TCAIM: variants seen among roughly 807,000 people sequenced by gnomAD.
The protein encoded by TCAIM is T-cell activation inhibitor, mitochondrial.
Under a neutral mutation model 58.6 loss-of-function variants are expected in TCAIM, and 36 were observed. The ratio of observed to expected loss-of-function variants is 0.61; its 90% confidence interval spans 0.47 to 0.81. TCAIM has a LOEUF of 0.81. Ranked by LOEUF, TCAIM falls within the 30% of genes least tolerant of loss-of-function variation. TCAIM has a pLI of 0.00. For missense variants in TCAIM, 466 were observed against 579.6 expected, an observed-to-expected ratio of 0.80 and a Z score of 2.01; for synonymous variants, 172 against 193.6, an observed-to-expected ratio of 0.89 and a Z score of 0.93.
At chr3:44,373,152 G>A (rs1701507251) in intron 5 of TCAIM, among the ~76,000 whole-genome samples, 1 of 151,796 alleles carries the variant, frequency 6.6e-6, no homozygotes, top group Admixed American at 6.6e-5. Flanking sequence ...TTTTGAGACA[G>A]GGTCTTGTTT....
chr3:44,398,773 A>C (rs565235125), intron 8 of TCAIM, among the ~76,000 whole-genome samples: 1 of 152,326 alleles, frequency 6.6e-6, no homozygotes, highest in African/African-American at 2.4e-5. Flanking sequence ...GGAAAAAATG[A>C]ATTTTCTTCA....
At chr3:44,382,650 A>G (rs959349398) in intron 5 of TCAIM, among the ~76,000 whole-genome samples, 4 of 152,206 alleles carry the variant, frequency 2.6e-5, no homozygotes, top group African/African-American at 7.2e-5. Context: ...AGAAGAAAAC[A>G]TAGGGCAGAA....
chr3:44,375,641 CAG>C (rs1701553177), intron 5 of TCAIM, among the ~76,000 whole-genome samples: 1 of 152,208 alleles, frequency 6.6e-6, no homozygotes, highest in Non-Finnish European at 1.5e-5. Context: ...CAAGGTCAAA[CAG>C]ACAACCACAA....
At position 44,367,495 on chromosome 3, in the gene TCAIM, T is replaced by C; in HGVS notation, c.359T>C (p.Leu120Pro). The C allele has an allele frequency of 6.2e-7, 1 of 1,613,574 alleles. No homozygotes were observed. Among genetic ancestry groups the C allele is most frequent in the Non-Finnish European group, 8.5e-7 (1 of 1,179,632 alleles). ...AAATTTACTTTGCACACCAGAGATCTGCTAAGCACAGTGTTATATATTCTC... is the reference window on the plus strand; with the variant it reads ...AAATTTACTTTGCACACCAGAGATCCGCTAAGCACAGTGTTATATATTCTC... ...AVKFTLHTRD[L>P]LSTVLYILNS... The change falls in exon 5 of 11, where the codon CTG (leucine) becomes CCG (proline). Residue 120 changes from leucine (L) to proline (P), a missense_variant. Transcript: ENST00000342649.
chr3:44,371,984 TAG>T (rs200207555), intron 5 of TCAIM, among the ~76,000 whole-genome samples: 27 of 125,982 alleles, frequency 2.1e-4, no homozygotes, highest in Non-Finnish European at 2.6e-4. Context: ...GAAATAGTAA[TAG>T]AGAGAGAGAG....
intron 5 of TCAIM, among the ~76,000 whole-genome samples, chr3:44,390,283 T>C (rs1180176681): frequency 2.0e-5 from 3 of 152,174 alleles, no homozygotes; most frequent in Non-Finnish European, 4.4e-5. Flanking sequence ...TTAAAGTGAA[T>C]ATTAAGGAAC....
intron 5 of TCAIM, among the ~76,000 whole-genome samples, chr3:44,388,287 A>T (rs1310914487): frequency 6.6e-6 from 1 of 152,202 alleles, no homozygotes; most frequent in African/African-American, 2.4e-5. Flanking sequence ...GAAAATCCCA[A>T]ATCGTGAGCC....
At chr3:44,347,736 T>G (rs1559558828) in intron 1 of TCAIM, among the ~76,000 whole-genome samples, 1 of 152,172 alleles carries the variant, frequency 6.6e-6, no homozygotes, top group Non-Finnish European at 1.5e-5. Flanking sequence ...ATAACAGGCT[T>G]TAATCCTTTT....
At chr3:44,394,859 A>T (rs1701897556) in intron 6 of TCAIM, among the ~76,000 whole-genome samples, 1 of 126,814 alleles carries the variant, frequency 7.9e-6, no homozygotes, top group South Asian at 2.9e-4. Flanking sequence ...ACGCCACTGC[A>T]CTCCGGCCTG....
Position 44,384,808 on chromosome 3 carries a change from A to G in TCAIM, c.573-8047A>G, listed in dbSNP as rs9857748. On this transcript the variant is annotated intron_variant, in intron 5 of 10. Transcript: ENST00000342649. Reference sequence around the variant, plus strand: ...GTTCTACATTCCTTCTATATTCCCAACTTTACCAAAGGCTTTGGTCACGTC... The same window carrying G: ...GTTCTACATTCCTTCTATATTCCCAGCTTTACCAAAGGCTTTGGTCACGTC... Among the ~76,000 whole-genome samples, 1,268 of 152,270 alleles carry G rather than the reference A, an allele frequency of 8.3e-3. 18 individuals are homozygous for G. The highest frequency in any genetic ancestry group is 0.029 in the African/African-American group (1,207 of 41,536).
rs1256703507 is a variant in TCAIM at position 44,357,822 on chromosome 3, G to C, written c.111G>C (p.Arg37Ser). 6.2e-7 allele frequency: 1 copy of C among 1,614,140 alleles called. No homozygotes were observed. The highest frequency in any genetic ancestry group is 8.5e-7 in the Non-Finnish European group (1 of 1,180,010). ...LSGAEAVNAL[R>S]PFYFAVHPDF... ...GAGCTGAAGCAGTCAATGCCTTGAGGCCTTTCTATTTTGCAGTACATCCAG... is the reference window on the plus strand; with the variant it reads ...GAGCTGAAGCAGTCAATGCCTTGAGCCCTTTCTATTTTGCAGTACATCCAG... The change falls in exon 3 of 11, where the codon AGG becomes AGC. Residue 37 changes from arginine to serine, a missense_variant. By Grantham distance (110) the Arg-to-Ser change is moderately radical. Transcript: ENST00000342649.
chr3:44,385,748 C>CA (rs967670678), intron 5 of TCAIM, among the ~76,000 whole-genome samples: 16 of 151,046 alleles, frequency 1.1e-4, no homozygotes, highest in Admixed American at 2.0e-4. Context: ...TTCTCAAAAA[C>CA]AAAAAAAATC....
At chr3:44,357,900 C>G (rs1484841483) in intron 3 of TCAIM, 24 bp downstream of exon 3, 2 of 1,609,506 alleles carry the variant, frequency 1.2e-6, no homozygotes, top group Non-Finnish European at 1.7e-6. Context: ...TATTTTTAAA[C>G]CATTAGTGTA....
chr3:44,382,407 T>A (rs1268756806), intron 5 of TCAIM, among the ~76,000 whole-genome samples: 1 of 152,042 alleles, frequency 6.6e-6, no homozygotes, highest in East Asian at 1.9e-4. Context: ...TACACAAACA[T>A]ATAGACTAAT....
chr3:44,376,767 A>C (rs1346379666), intron 5 of TCAIM, among the ~76,000 whole-genome samples: 1 of 152,212 alleles, frequency 6.6e-6, no homozygotes, highest in Admixed American at 6.5e-5. Context: ...AACTTTCCAA[A>C]AGACAAATAC....
In TCAIM at chr3:44,400,351, G is replaced by A. The variant is rs769093529; in HGVS notation, c.886-4G>A. Reference sequence around the variant, plus strand: ...TTATTTCTTTCCCTTTGTTAACACTGTAGCTTTTTGAAAGATTGCCAAGTT... The same window carrying A: ...TTATTTCTTTCCCTTTGTTAACACTATAGCTTTTTGAAAGATTGCCAAGTT... On this transcript the variant is annotated splice_polypyrimidine_tract_variant and splice_region_variant and intron_variant, in intron 8 of 10. Coordinates refer to ENST00000342649, the MANE Select transcript of TCAIM (RefSeq NM_173826.4). The A allele has an allele frequency of 6.2e-7, 1 of 1,609,856 alleles. No individual in the cohort carries two copies. Among genetic ancestry groups the A allele is most frequent in the Non-Finnish European group, 8.5e-7 (1 of 1,176,962 alleles).
chr3:44,375,744 A>T (rs797017941), intron 5 of TCAIM, among the ~76,000 whole-genome samples: 4 of 152,364 alleles, frequency 2.6e-5, no homozygotes, highest in African/African-American at 9.6e-5. Flanking sequence ...ACTCTCCTCC[A>T]TATAAAATGG....
chr3:44,344,213 T>C (rs374814639), intron 1 of TCAIM, among the ~76,000 whole-genome samples: 114 of 152,208 alleles, frequency 7.5e-4, no homozygotes, highest in African/African-American at 2.6e-3. Flanking sequence ...GGTTTTGCCA[T>C]GTTGGCCAGG....
rs145397011 is a variant in TCAIM, at chr3:44,397,396, A to C, written c.885+562A>C. On this transcript the variant is annotated intron_variant, in intron 8 of 10. Transcript: ENST00000342649. Reference sequence around the variant, plus strand: ...TCATAAGTGGAATCATAGGGCTTGCAAACTTTTGTGTCTGGTTTCTTTCAC... The same window carrying C: ...TCATAAGTGGAATCATAGGGCTTGCCAACTTTTGTGTCTGGTTTCTTTCAC... Among the ~76,000 whole-genome samples the C allele has an allele frequency of 7.2e-4, 109 of 152,320 alleles. No homozygotes were observed. The East Asian group carries it at 0.013, about 19-fold the overall frequency.
Sources: gnomAD v4.1 joint callset for allele counts (sites outside exome capture counted in the v4.1 genomes callset) on GRCh38, gnomAD v4.1.1 for gene constraint, MANE v1.5 for transcripts, NCBI Gene and HGNC (gene_info 2026-07-23, HGNC 2026-07-21) for gene names.